The following MGMT variants were observed in gnomAD, a reference collection of about 807,000 sequenced individuals.
MGMT encodes O-6-methylguanine-DNA methyltransferase, also known as methylated-DNA--protein-cysteine methyltransferase.
A neutral mutation model predicts 15.9 loss-of-function variants in MGMT; 14 were observed. The ratio of observed to expected loss-of-function variants is 0.88; its 90% CI spans 0.58 to 1.37. MGMT has a LOEUF of 1.37. Among genes scored for constraint, MGMT ranks in the 40% most tolerant of loss-of-function variants. MGMT has a pLI of 0.00. For missense variants in MGMT, 282 were observed against 268.1 expected (o/e 1.05, Z -0.36); for synonymous variants, 130 against 118.2 (o/e 1.10, Z -0.65).
chr10:129,671,189 A>T (rs1290328884), intron 2 of MGMT, among the ~76,000 whole-genome samples: 1 of 152,246 alleles, frequency 6.6e-6, no homozygotes, highest in Non-Finnish European at 1.5e-5. Flanking sequence ...TGGAAAGAGA[A>T]CACACATTCA....
intron 2 of MGMT, among the ~76,000 whole-genome samples, chr10:129,671,430 CTT>C (rs34055523): frequency 6.8e-6 from 1 of 147,266 alleles, no homozygotes; most frequent in Non-Finnish European, 1.5e-5. Flanking sequence ...GGCTGGACAT[CTT>C]TTTTTTTTTG....
intron 1 of MGMT, among the ~76,000 whole-genome samples, chr10:129,489,530 G>A (rs1186596231): frequency 1.3e-5 from 2 of 151,974 alleles, no homozygotes; most frequent in Non-Finnish European, 2.9e-5. Context: ...TTTGATTGAC[G>A]TCCTTGGGTC....
intron 1 of MGMT, among the ~76,000 whole-genome samples, chr10:129,502,177 C>T (rs1396104462): frequency 6.6e-6 from 1 of 152,118 alleles, no homozygotes; most frequent in African/African-American, 2.4e-5. Flanking sequence ...TGGGGAGAGT[C>T]CTGGCCGCAG....
At chr10:129,570,422 G>A (rs551448718) in intron 2 of MGMT, among the ~76,000 whole-genome samples, 38 of 152,356 alleles carry the variant, frequency 2.5e-4, no homozygotes, top group African/African-American at 8.9e-4. Flanking sequence ...CTGGGCCTCC[G>A]GCCACGGTCT....
At chr10:129,764,582 G>A (rs1266973438) in intron 4 of MGMT, among the ~76,000 whole-genome samples, 2 of 152,388 alleles carry the variant, frequency 1.3e-5, no homozygotes, top group East Asian at 3.9e-4. Context: ...CCAGTAGCTG[G>A]TTGCTTTGTC....
At chr10:129,724,286 A>G (rs988001648) in intron 3 of MGMT, among the ~76,000 whole-genome samples, 3 of 152,334 alleles carry the variant, frequency 2.0e-5, no homozygotes, top group Admixed American at 2.0e-4. Flanking sequence ...GGAGCCGGAC[A>G]CAGCAAGAGC....
At chr10:129,641,030 A>G (rs190719060) in intron 2 of MGMT, among the ~76,000 whole-genome samples, 6 of 152,362 alleles carry the variant, frequency 3.9e-5, no homozygotes, top group African/African-American at 1.2e-4. Context: ...GGTCCTAGCC[A>G]GTCCAGTACA....
chr10:129,605,040 A>G (rs73386965), intron 2 of MGMT, among the ~76,000 whole-genome samples: 5,375 of 152,258 alleles, frequency 0.035, 250 homozygotes, highest in African/African-American at 0.1. Context: ...ACCAAATTAA[A>G]CATGAACAAT....
chr10:129,743,457 C>T (rs1055707708), intron 3 of MGMT, among the ~76,000 whole-genome samples: 10 of 152,200 alleles, frequency 6.6e-5, no homozygotes, highest in African/African-American at 1.7e-4. Flanking sequence ...TGCATCAGTG[C>T]GTTGGTTGGT....
chr10:129,523,869 C>T (rs10829601), intron 1 of MGMT, among the ~76,000 whole-genome samples: 104,514 of 151,992 alleles, frequency 0.69, 37,289 homozygotes, highest in Middle Eastern at 0.81. Flanking sequence ...AGAAGCCAGG[C>T]GTCCTGGAGT....
intron 2 of MGMT, among the ~76,000 whole-genome samples, chr10:129,673,291 T>A (rs958553946): frequency 1.3e-4 from 19 of 148,364 alleles, no homozygotes; most frequent in Non-Finnish European, 2.1e-4. Context: ...CATCCCAATT[T>A]AAAAAAAAAA....
At chr10:129,720,324 G>C (rs929507088) in intron 3 of MGMT, among the ~76,000 whole-genome samples, 9 of 152,240 alleles carry the variant, frequency 5.9e-5, no homozygotes, top group African/African-American at 2.2e-4. Context: ...CATGTAGGCT[G>C]CTGCAAGAGG....
chr10:129,746,108 A>T (rs939153409), intron 3 of MGMT, among the ~76,000 whole-genome samples: 1 of 151,864 alleles, frequency 6.6e-6, no homozygotes, highest in Non-Finnish European at 1.5e-5. Context: ...GCGTGGTGGC[A>T]GGCGCCTGTA....
intron 2 of MGMT, 133 bp from the exon 3 acceptor site, chr10:129,707,762 C>T: frequency 8.2e-7 from 1 of 1,222,668 alleles, no homozygotes; most frequent in Admixed American, 1.9e-5. Context: ...TTCTGCTGCA[C>T]AGCTAGTTGA....
chr10:129,511,476 G>A (rs1451980892), intron 1 of MGMT, among the ~76,000 whole-genome samples: 2 of 149,898 alleles, frequency 1.3e-5, no homozygotes, highest in Admixed American at 6.6e-5. Context: ...TATACCAGAC[G>A]CAGCCACGTG....
intron 2 of MGMT, chr10:129,701,307 T>C (rs529871478): frequency 3.9e-5 from 6 of 152,002 alleles, no homozygotes; most frequent in African/African-American, 1.4e-4. Context: ...ACGTCGTCCA[T>C]GGAGAGAGAG....
intron 2 of MGMT, among the ~76,000 whole-genome samples, chr10:129,649,796 G>A (rs1479624991): frequency 6.6e-6 from 1 of 152,182 alleles, no homozygotes; most frequent in African/African-American, 2.4e-5. Flanking sequence ...GATAGCAAAA[G>A]TTACCCAGGA....
At chr10:129,484,802 A>T (rs1845392178) in intron 1 of MGMT, among the ~76,000 whole-genome samples, 1 of 151,980 alleles carries the variant, frequency 6.6e-6, no homozygotes, top group Admixed American at 6.6e-5. Flanking sequence ...TGCTTTTTTT[A>T]AAAAAAGGTT....
chr10:129,755,032 C>T (rs1012982620), intron 3 of MGMT, among the ~76,000 whole-genome samples: 3 of 152,200 alleles, frequency 2.0e-5, no homozygotes, highest in African/African-American at 4.8e-5. Context: ...CCAGGAAGCC[C>T]ATTCATCTTT....
Sources: gnomAD v4.1 joint callset for allele counts (sites outside exome capture counted in the v4.1 genomes callset) on GRCh38, gnomAD v4.1.1 for gene constraint, MANE v1.5 for transcripts, NCBI Gene and HGNC (gene_info 2026-07-23, HGNC 2026-07-21) for gene names.